The following DEPDC1B variants were observed in gnomAD, a reference collection of about 807,000 sequenced individuals.
DEPDC1B encodes the protein DEP domain containing 1B.
In DEPDC1B, 51 loss-of-function variants were observed where a neutral mutation model predicts 66.5. That is an observed-to-expected ratio of 0.77 (90% CI 0.61 to 0.97). The LOEUF (loss-of-function observed/expected upper bound fraction) is 0.97, where lower values mean the gene tolerates loss of function less well. Ranked by LOEUF, DEPDC1B falls within the 50% of genes least tolerant of loss-of-function variation. The pLI, the probability that DEPDC1B is intolerant of heterozygous loss-of-function variation, is 0.00. For missense variants in DEPDC1B, 552 were observed against 637.1 expected (o/e 0.87, Z 1.44); for synonymous variants, 226 against 223.6 (o/e 1.01, Z -0.10).
At chr5:60,690,589 G>T (rs7708849) in intron 1 of DEPDC1B, among the ~76,000 whole-genome samples, 14,178 of 152,156 alleles carry the variant, frequency 0.093, 1,238 homozygotes, top group African/African-American at 0.22. Flanking sequence ...AAAATTCATA[G>T]TCATATTCTC....
chr5:60,614,097 C>G (rs2111748439), intron 7 of DEPDC1B, among the ~76,000 whole-genome samples: 1 of 152,208 alleles, frequency 6.6e-6, no homozygotes, highest in African/African-American at 2.4e-5. Flanking sequence ...TTCTCTTTCA[C>G]TCCTATAAAA....
At chr5:60,660,104 G>A (rs948573943) in intron 2 of DEPDC1B, among the ~76,000 whole-genome samples, 4 of 152,026 alleles carry the variant, frequency 2.6e-5, no homozygotes, top group Non-Finnish European at 5.9e-5. Context: ...ACAAGCAAAC[G>A]TCCTTCCACT....
At chr5:60,653,740 C>G (rs1297781179) in intron 2 of DEPDC1B, among the ~76,000 whole-genome samples, 1 of 131,584 alleles carries the variant, frequency 7.6e-6, no homozygotes, top group Non-Finnish European at 1.5e-5. Flanking sequence ...GATTTCAGGT[C>G]TTATATTTAA....
intron 2 of DEPDC1B, among the ~76,000 whole-genome samples, chr5:60,686,279 T>C (rs1754410797): frequency 1.3e-5 from 2 of 152,094 alleles, no homozygotes; most frequent in African/African-American, 2.4e-5. Flanking sequence ...AATTCCTTTA[T>C]GGACCTGTGT....
intron 2 of DEPDC1B, among the ~76,000 whole-genome samples, chr5:60,667,665 A>G (rs1753886553): frequency 1.4e-5 from 2 of 143,294 alleles, no homozygotes; most frequent in South Asian, 4.6e-4. Context: ...ACATGTATAT[A>G]ATGGATATTT....
intron 2 of DEPDC1B, among the ~76,000 whole-genome samples, chr5:60,648,840 A>G (rs976556267): frequency 2.0e-5 from 3 of 152,232 alleles, no homozygotes; most frequent in African/African-American, 7.2e-5. Flanking sequence ...CTATAGCCAA[A>G]GCATCTTTCT....
At chr5:60,604,921 T>C (rs1323948575) in intron 8 of DEPDC1B, among the ~76,000 whole-genome samples, 1 of 152,238 alleles carries the variant, frequency 6.6e-6, no homozygotes, top group Non-Finnish European at 1.5e-5. Context: ...TAAGTGCTCC[T>C]CTGATCTCAC....
chr5:60,644,866 T>A lies in DEPDC1B; in HGVS notation c.588A>T (p.Lys196Asn). 1 of 1,602,114 alleles carries A rather than the reference T, an allele frequency of 6.2e-7. No individual in the cohort carries two copies. The highest frequency in any genetic ancestry group is 8.5e-7 in the Non-Finnish European group (1 of 1,174,628). Residue 196 changes from lysine (K) to asparagine (N), a missense_variant, in exon 5 of 11, where the codon AAA (lysine) becomes AAT (asparagine). Lys to Asn is a moderately conservative substitution (Grantham distance 94). Transcript: ENST00000265036. ...CTTCTAAGGAATCCAGGCCAAGAAT[T>A]TTCTGTAAGCTAAAAGATAAGTAAT... Reference protein sequence around the residue: ...WKSMTLSYLQKILGLDSLEEV... With the variant: ...WKSMTLSYLQNILGLDSLEEV...
At chr5:60,698,675 T>TA (rs1488766172) in intron 1 of DEPDC1B, among the ~76,000 whole-genome samples, 1 of 151,824 alleles carries the variant, frequency 6.6e-6, no homozygotes, top group Non-Finnish European at 1.5e-5. Flanking sequence ...TATTATTTTT[T>TA]TTTTTTTTTG....
At chr5:60,627,993 A>G (rs1034732911) in intron 7 of DEPDC1B, among the ~76,000 whole-genome samples, 2 of 152,196 alleles carry the variant, frequency 1.3e-5, no homozygotes, top group African/African-American at 4.8e-5. Flanking sequence ...TTGGTGAAAT[A>G]AGAATAAATA....
At chr5:60,639,687 G>C (rs997384922) in intron 6 of DEPDC1B, among the ~76,000 whole-genome samples, 3 of 152,322 alleles carry the variant, frequency 2.0e-5, no homozygotes, top group African/African-American at 7.2e-5. Context: ...GGCAACAACT[G>C]CTCCACCAAT....
At chr5:60,617,358 T>A (rs1480865700) in intron 7 of DEPDC1B, among the ~76,000 whole-genome samples, 1 of 151,904 alleles carries the variant, frequency 6.6e-6, no homozygotes, top group Admixed American at 6.6e-5. Flanking sequence ...GGATAAAGAG[T>A]CAAGACTCAT....
intron 7 of DEPDC1B, among the ~76,000 whole-genome samples, chr5:60,618,423 C>A (rs1009107682): frequency 6.6e-6 from 1 of 152,006 alleles, no homozygotes; most frequent in African/African-American, 2.4e-5. Context: ...AGAGAAGAAT[C>A]AAATAGATGC....
rs538031909 is a variant in DEPDC1B, at chr5:60,647,711, G to T, written c.315-178C>A. 7.8e-6 allele frequency: 4 copies of T among 509,952 alleles called. No homozygotes were observed. The African/African-American group carries it at 8.0e-5, about 10-fold the overall frequency. The allele number at this position is 509,952 out of a possible 1,614,324, so 31.6% of individuals were successfully genotyped here. A position where few individuals can be genotyped will look rare whatever the true frequency, so the allele number is the denominator to read the frequency against. ...TCTATACCATACCTGATAAAGAAAA[G>T]AAAGGTGATTGAATACATATTTTTT... is the stretch of plus-strand genomic sequence containing the variant. On this transcript the variant is annotated intron_variant, in intron 2 of 10. Coordinates refer to ENST00000265036, the MANE Select transcript of DEPDC1B (RefSeq NM_018369.3).
At chr5:60,608,007 AACC>A (rs2111726619) in intron 7 of DEPDC1B, among the ~76,000 whole-genome samples, 1 of 152,268 alleles carries the variant, frequency 6.6e-6, no homozygotes, top group South Asian at 2.1e-4. Context: ...TGACCTGAGA[AACC>A]ACTGGTGGGT....
intron 10 of DEPDC1B, 62 bp from the exon 11 acceptor site, chr5:60,597,976 C>T: frequency 1.4e-6 from 2 of 1,440,074 alleles, no homozygotes; most frequent in Non-Finnish European, 1.8e-6. Context: ...TAAAATTTGG[C>T]AGCCAAATTT....
intron 2 of DEPDC1B, among the ~76,000 whole-genome samples, chr5:60,654,751 T>C (rs1753538339): frequency 6.7e-6 from 1 of 149,032 alleles, no homozygotes; most frequent in East Asian, 2.1e-4. Flanking sequence ...CAGTATAGTG[T>C]TGGCTGTGGG....
chr5:60,680,905 CAG>C (rs1754282222), intron 2 of DEPDC1B, among the ~76,000 whole-genome samples: 1 of 152,200 alleles, frequency 6.6e-6, no homozygotes, highest in African/African-American at 2.4e-5. Flanking sequence ...GCATAGGCTT[CAG>C]AGATGAAGAC....
chr5:60,638,937 C>A (rs1336536653), intron 6 of DEPDC1B, 47 bp from the exon 7 acceptor site: 3 of 1,589,172 alleles, frequency 1.9e-6, no homozygotes, highest in African/African-American at 2.7e-5. Context: ...GGAGTAATTA[C>A]CTCTAAGTAT....
Sources: allele counts gnomAD v4.1 joint callset (sites outside exome capture counted in the v4.1 genomes callset), GRCh38; gene constraint gnomAD v4.1.1; transcripts MANE v1.5; gene names NCBI Gene and HGNC (gene_info 2026-07-23, HGNC 2026-07-21).